Variants in SOX6 observed in about 807,000 individuals in gnomAD.
SOX6 encodes transcription factor SOX-6.
SOX6 carries 11 observed loss-of-function variants against 97.8 expected under a neutral mutation model. That is an observed-to-expected ratio of 0.11 (90% CI 0.07 to 0.19). The LOEUF (loss-of-function observed/expected upper bound fraction) is 0.19, where lower values mean the gene tolerates loss of function less well. SOX6 is among the 10% of genes least tolerant of loss of function. SOX6 has a pLI of 1.00. For synonymous variants in SOX6, 360 were observed against 371.4 expected, an observed-to-expected ratio of 0.97 and a Z score of 0.35; for missense variants, 810 against 1,039.5, an observed-to-expected ratio of 0.78 and a Z score of 3.04.
At chr11:16,137,640 G>A (rs1212001292) in intron 6 of SOX6, among the ~76,000 whole-genome samples, 1 of 152,096 alleles carries the variant, frequency 6.6e-6, no homozygotes, top group Non-Finnish European at 1.5e-5. Context: ...AGGAATCAAG[G>A]TGAAAACTAT....
chr11:16,647,325 AT>A (rs2134010330), intron 3 of SOX6, among the ~76,000 whole-genome samples: 1 of 152,206 alleles, frequency 6.6e-6, no homozygotes, highest in Non-Finnish European at 1.5e-5. Context: ...TATAGATAGT[AT>A]GTCCATTTAT....
Position 16,551,172 on chromosome 11 carries a change from A to G in SOX6, n.609+60909T>C, listed in dbSNP as rs1245910490. Among the ~76,000 whole-genome samples the G allele has an allele frequency of 4.6e-5, 7 of 152,066 alleles. No homozygotes were observed. In the South Asian group the frequency reaches 6.2e-4, roughly 14 times the overall value. On this transcript the variant is annotated intron_variant and non_coding_transcript_variant, in intron 4 of 5. Transcript: ENST00000524520. Reference sequence around the variant, plus strand: ...ACCAGCCTAGACAACATAGTGAGACACCATCTTTAAAAAAATTTAAAATAA... The same window carrying G: ...ACCAGCCTAGACAACATAGTGAGACGCCATCTTTAAAAAAATTTAAAATAA...
intron 12 of SOX6, among the ~76,000 whole-genome samples, chr11:16,041,570 A>T (rs2133900145): frequency 6.6e-6 from 1 of 152,298 alleles, no homozygotes; most frequent in Admixed American, 6.5e-5. Flanking sequence ...TATTTAATTC[A>T]CTGAAAAATA....
At chr11:15,973,251 G>A in intron 15 of SOX6, 139 bp from the exon 16 acceptor site, 3 of 840,018 alleles carry the variant, frequency 3.6e-6, no homozygotes, top group East Asian at 2.7e-5. Context: ...CAAATAAAAT[G>A]TGACAAAGGT....
intron 3 of SOX6, among the ~76,000 whole-genome samples, chr11:16,269,495 T>C (rs1303213083): frequency 6.6e-6 from 1 of 150,740 alleles, no homozygotes; most frequent in Non-Finnish European, 1.5e-5. Flanking sequence ...ATTATAAATT[T>C]ATAAAAATTT....
chr11:16,597,251 T>C (rs1476368848), intron 4 of SOX6, among the ~76,000 whole-genome samples: 3 of 151,910 alleles, frequency 2.0e-5, no homozygotes, highest in African/African-American at 7.3e-5. Context: ...CATATAACTA[T>C]TGTCAATTTA....
Position 16,577,772 on chromosome 11 carries a change from G to A in SOX6, n.609+34309C>T, listed in dbSNP as rs1847996892. Among the ~76,000 whole-genome samples, 4 of 151,932 alleles carry A rather than the reference G, an allele frequency of 2.6e-5. No homozygotes were observed. In the South Asian group the frequency reaches 8.3e-4, roughly 32 times the overall value. The stretch of plus-strand genomic sequence containing the variant: ...AATCCTTTGCTTTTTTAAAATTTGG[G>A]TATTTGTCTTTTATTGTTGAGTTGT... On this transcript the variant is annotated intron_variant and non_coding_transcript_variant, in intron 4 of 5. Transcript: ENST00000524520.
At chr11:16,672,328 G>A (rs11529598) in intron 3 of SOX6, among the ~76,000 whole-genome samples, 24,765 of 152,076 alleles carry the variant, frequency 0.16, 2,658 homozygotes, top group East Asian at 0.32. Flanking sequence ...TTGGCTAAAC[G>A]CCCCATTTAA....
At chr11:16,062,173 G>T (rs1380815746) in intron 9 of SOX6, among the ~76,000 whole-genome samples, 1 of 151,412 alleles carries the variant, frequency 6.6e-6, no homozygotes, top group East Asian at 1.9e-4. Context: ...TACTGTTTGA[G>T]CCATAACTAA....
At chr11:16,339,279 A>C (rs558504677) in intron 2 of SOX6, among the ~76,000 whole-genome samples, 1 of 151,936 alleles carries the variant, frequency 6.6e-6, no homozygotes, top group Non-Finnish European at 1.5e-5. Context: ...CACATCCATA[A>C]TGTTATCTCC....
rs1853169584 is a variant in SOX6, at chr11:15,967,444, CAAATTACAACGTCGGGGG to C, written c.*5347_*5364del. On this transcript the variant is annotated 3_prime_UTR_variant, in exon 16 of 16. Coordinates refer to ENST00000683767, the MANE Select transcript of SOX6 (RefSeq NM_001367873.1). ...ACAATTTCACAATATACATCACAAA[CAAATTACAACGTCGGGGG>C]AAATAAAAGAGTTACAGTAAGATAA... The C allele has an allele frequency of 6.6e-6, 1 of 152,176 alleles. No individual in the cohort carries two copies. Among genetic ancestry groups the C allele is most frequent in the Admixed American group, 6.5e-5 (1 of 15,282 alleles). 9.4% of individuals were successfully genotyped at this position (152,176 alleles called of 1,614,324 possible). A position where few individuals can be genotyped will look rare whatever the true frequency, so the allele number is the denominator to read the frequency against.
At chr11:16,322,922 G>C (rs1364682014) in intron 2 of SOX6, among the ~76,000 whole-genome samples, 1 of 152,206 alleles carries the variant, frequency 6.6e-6, no homozygotes, top group African/African-American at 2.4e-5. Context: ...CTCTTCTTTT[G>C]ATTTTTCTTT....
rs150536676 is a variant in SOX6 at position 16,280,532 on chromosome 11, T to G, written c.445+37914A>C. Reference sequence around the variant, plus strand: ...TTGTGGCAAACCGCCAACACATCTGTCAGAAGCACTCATAAGCTTCCGTGT... The same window carrying G: ...TTGTGGCAAACCGCCAACACATCTGGCAGAAGCACTCATAAGCTTCCGTGT... On this transcript the variant is annotated intron_variant, in intron 3 of 15. Coordinates refer to ENST00000683767, the MANE Select transcript of SOX6 (RefSeq NM_001367873.1). Among the ~76,000 whole-genome samples the G allele has an allele frequency of 3.8e-3, 580 of 152,146 alleles. 3 individuals are homozygous for G. The highest frequency in any genetic ancestry group is 0.014 in the African/African-American group (564 of 41,532).
intron 3 of SOX6, among the ~76,000 whole-genome samples, chr11:16,283,094 T>C (rs1208880956): frequency 2.1e-5 from 2 of 94,134 alleles, no homozygotes; most frequent in Admixed American, 2.9e-4. Flanking sequence ...AATTTGTATA[T>C]ATATATATAT....
At chr11:16,137,107 T>A (rs1849987801) in intron 6 of SOX6, among the ~76,000 whole-genome samples, 1 of 152,196 alleles carries the variant, frequency 6.6e-6, no homozygotes, top group Non-Finnish European at 1.5e-5. Flanking sequence ...TTCTGTAACA[T>A]TAAAGAATTG....
At chr11:16,588,720 C>T (rs1848121117) in intron 4 of SOX6, among the ~76,000 whole-genome samples, 1 of 152,204 alleles carries the variant, frequency 6.6e-6, no homozygotes, top group Non-Finnish European at 1.5e-5. Flanking sequence ...AATCTGCTTC[C>T]TTTCTCATAT....
chr11:16,448,277 A>AG (rs1859651411), intron 1 of SOX6, among the ~76,000 whole-genome samples: 1 of 152,200 alleles, frequency 6.6e-6, no homozygotes, highest in African/African-American at 2.4e-5. Flanking sequence ...TGTATTGCCA[A>AG]GCACCTTTCC....
At chr11:16,470,714 C>A (rs1860127333) in intron 1 of SOX6, among the ~76,000 whole-genome samples, 1 of 152,044 alleles carries the variant, frequency 6.6e-6, no homozygotes, top group Non-Finnish European at 1.5e-5. Context: ...GAGGAAAGCA[C>A]GGTGTTGTGA....
chr11:16,154,405 C>A (rs1282499538), intron 6 of SOX6, among the ~76,000 whole-genome samples: 1 of 152,034 alleles, frequency 6.6e-6, no homozygotes, highest in East Asian at 1.9e-4. Flanking sequence ...TCCTTTACGC[C>A]ACTTATCCCT....
Sources: allele counts gnomAD v4.1 joint callset (sites outside exome capture counted in the v4.1 genomes callset), GRCh38; gene constraint gnomAD v4.1.1; transcripts MANE v1.5; gene names NCBI Gene and HGNC (gene_info 2026-07-23, HGNC 2026-07-21).